Variants in HCN2 observed in about 807,000 individuals in gnomAD.
HCN2 encodes potassium/sodium hyperpolarization-activated cyclic nucleotide-gated channel 2.
A neutral mutation model predicts 52.3 loss-of-function variants in HCN2; 20 were observed. That is an observed-to-expected ratio of 0.38 (90% CI 0.27 to 0.56). The LOEUF (loss-of-function observed/expected upper bound fraction) is 0.56. HCN2 is among the 20% of genes least tolerant of loss of function. The pLI, the probability that HCN2 is intolerant of heterozygous loss-of-function variation, is 0.71. For synonymous variants in HCN2, 694 were observed against 537.0 expected, an observed-to-expected ratio of 1.29 and a Z score of -4.04; for missense variants, 981 against 1,207.7, an observed-to-expected ratio of 0.81 and a Z score of 2.78.
chr19:608,769 G>T (rs1017780292), intron 4 of HCN2, among the ~76,000 whole-genome samples: 41 of 152,108 alleles, frequency 2.7e-4, no homozygotes, highest in Non-Finnish European at 1.6e-4. Flanking sequence ...GGGCCTGGCG[G>T]GGTCTGAGAG....
chr19:613,618 G>C (rs1983751498), intron 6 of HCN2, 130 bp downstream of exon 6: 1 of 156,186 alleles, frequency 6.4e-6, no homozygotes, highest in Non-Finnish European at 1.1e-5. Flanking sequence ...CGGGGATGGG[G>C]ATGGGGATGG....
At chr19:595,371 C>T (rs1157456770) in intron 1 of HCN2, among the ~76,000 whole-genome samples, 2 of 151,912 alleles carry the variant, frequency 1.3e-5, no homozygotes, top group Admixed American at 1.3e-4. Flanking sequence ...TTCTGGCCTC[C>T]CGGCTGTCAG....
At chr19:615,037 G>C (rs1441832222) in intron 7 of HCN2, among the ~76,000 whole-genome samples, 1 of 152,136 alleles carries the variant, frequency 6.6e-6, no homozygotes, top group African/African-American at 2.4e-5. Flanking sequence ...TGAGTATCAG[G>C]TGCTTAGGTT....
chr19:599,442 C>A (rs1190520523), intron 1 of HCN2, among the ~76,000 whole-genome samples: 2 of 152,096 alleles, frequency 1.3e-5, no homozygotes, highest in Non-Finnish European at 2.9e-5. Flanking sequence ...GATGTGGGGA[C>A]CCCGGCCATG....
intron 7 of HCN2, among the ~76,000 whole-genome samples, chr19:614,578 C>T (rs570272575): frequency 7.9e-5 from 12 of 152,270 alleles, no homozygotes; most frequent in African/African-American, 2.6e-4. Flanking sequence ...CAGCACATCC[C>T]AAGGCCCTGA....
At chr19:605,246 A>C (rs1238954515) in intron 3 of HCN2, 24 bp downstream of exon 3, 1 of 1,606,990 alleles carries the variant, frequency 6.2e-7, no homozygotes, top group Non-Finnish European at 8.5e-7. Context: ...GCCCTGACGG[A>C]GGGGGAGACG....
intron 1 of HCN2, among the ~76,000 whole-genome samples, chr19:599,847 CGTGTGTGTGTGTGTGTGTGTGTGTGTGT>C (rs34793549): frequency 5.3e-5 from 7 of 133,302 alleles, no homozygotes; most frequent in East Asian, 2.2e-4. Context: ...GAAGGGGTCC[CGTGTGTGTGTGTGTGTGTGTGTGTGTGT>C]GTGTGTGTGT....
chr19:614,959 G>A (rs931429087), intron 7 of HCN2, among the ~76,000 whole-genome samples: 2 of 152,122 alleles, frequency 1.3e-5, no homozygotes, highest in African/African-American at 4.8e-5. Context: ...TGGTGTCAGG[G>A]AGCTCCCTGG....
Position 610,345 on chromosome 19 carries a change from C to G in HCN2, c.1524C>G (p.Tyr508Ter). Reference protein sequence around the residue: ...QKIHDYYEHRYQGKMFDEDSI... With the variant: ...QKIHDYYEHR ...TCCACGACTACTATGAGCACCGTTA[C>G]CAGGGCAAGATGTTTGACGAGGACA... The change falls in exon 5 of 8, where the codon TAC becomes TAG. Residue 508 changes from tyrosine to a stop codon, truncating the protein, a stop_gained. Coordinates refer to ENST00000251287, the MANE Select transcript of HCN2 (RefSeq NM_001194.4). LOFTEE classifies it high-confidence loss of function. 6.2e-7 allele frequency: 1 copy of G among 1,613,802 alleles called. No individual in the cohort carries two copies. The highest frequency in any genetic ancestry group is 8.5e-7 in the Non-Finnish European group (1 of 1,179,798).
chr19:600,306 GGTA>G (rs1192080686), intron 1 of HCN2, among the ~76,000 whole-genome samples: 1 of 152,132 alleles, frequency 6.6e-6, no homozygotes, highest in Non-Finnish European at 1.5e-5. Flanking sequence ...CCGAGTAGCT[GGTA>G]CTACAGGCGC....
In HCN2 at chr19:590,021, CCGCCGCCCG is replaced by C; in HGVS notation, c.81_89del (p.Ala29_Pro31del). 1 of 603,798 alleles carries C rather than the reference CCGCCGCCCG, an allele frequency of 1.7e-6. No homozygotes were observed. Among genetic ancestry groups the C allele is most frequent in the Non-Finnish European group, 2.0e-6 (1 of 492,674 alleles). 37.4% of individuals were successfully genotyped at this position (603,798 alleles called of 1,614,324 possible). A position where few individuals can be genotyped will look rare whatever the true frequency, so the allele number is the denominator to read the frequency against. Reference sequence around the variant, plus strand: ...CCCCGCGCCGGGGCCGCCGCCGCCGCCGCCGCCCGCGCCCCCCCAACAGCAGCCGCCGCC... The same window carrying C: ...CCCCGCGCCGGGGCCGCCGCCGCCGCCGCCCCCCCAACAGCAGCCGCCGCC... On this transcript the variant is annotated inframe_deletion, in exon 1 of 8. Coordinates refer to ENST00000251287, the MANE Select transcript of HCN2 (RefSeq NM_001194.4). This position sits in a 1 kb window ranked among gnomAD's most constrained non-coding sequence, Gnocchi z 7.2.
At chr19:602,152 C>T (rs1176172666) in intron 1 of HCN2, among the ~76,000 whole-genome samples, 46 of 139,702 alleles carry the variant, frequency 3.3e-4, no homozygotes, top group African/African-American at 1.1e-3. Flanking sequence ...CCTGCGTGGA[C>T]GCCCCACTTC....
intron 3 of HCN2, among the ~76,000 whole-genome samples, chr19:606,994 G>C (rs902026900): frequency 6.6e-6 from 1 of 151,870 alleles, no homozygotes; most frequent in African/African-American, 2.4e-5. Flanking sequence ...CCAACATGGA[G>C]AAACCCCGTC....
At chr19:602,567 C>A (rs1983242779) in intron 1 of HCN2, among the ~76,000 whole-genome samples, 1 of 152,212 alleles carries the variant, frequency 6.6e-6, no homozygotes, top group Non-Finnish European at 1.5e-5. Flanking sequence ...GAGCACGGTT[C>A]ATTTCCCACC....
At chr19:597,308 C>T (rs565374737) in intron 1 of HCN2, among the ~76,000 whole-genome samples, 1 of 152,362 alleles carries the variant, frequency 6.6e-6, no homozygotes, top group African/African-American at 2.4e-5. Flanking sequence ...CCTGGGGTCT[C>T]ATCCTGCAGT....
rs780874058 is a variant in HCN2 at position 610,418 on chromosome 19, CCGGG to C, written c.1584+22_1584+25del. ...GCCCCTGCGGGAGGTGAGGCGGGCG[CCGGG>C]CGGGCGGGAGGCAGCCTCCGGTACA... On this transcript the variant is annotated intron_variant, in intron 5 of 7. Coordinates refer to ENST00000251287, the MANE Select transcript of HCN2 (RefSeq NM_001194.4). The C allele has an allele frequency of 3.5e-5, 57 of 1,610,602 alleles. No homozygotes were observed. The African/African-American group carries it at 5.9e-4, about 17-fold the overall frequency.
chr19:592,496 C>T lies in HCN2; in HGVS notation c.632+1919C>T, dbSNP rs1982904246. Among the ~76,000 whole-genome samples the T allele has an allele frequency of 1.3e-5, 2 of 152,162 alleles. No homozygotes were observed. The highest frequency in any genetic ancestry group is 2.9e-5 in the Non-Finnish European group (2 of 68,020). On this transcript the variant is annotated intron_variant, in intron 1 of 7. Transcript: ENST00000251287. This position sits in a 1 kb window ranked among gnomAD's most constrained non-coding sequence, Gnocchi z 4.8. ...GGCCTGGGCAGGCTGTGGCCCCGCTCTGTGCTCTGAGGCATAGAGGGCTCA... is the reference window on the plus strand; with the variant it reads ...GGCCTGGGCAGGCTGTGGCCCCGCTTTGTGCTCTGAGGCATAGAGGGCTCA...
intron 5 of HCN2, among the ~76,000 whole-genome samples, chr19:611,365 C>T (rs536799812): frequency 1.6e-4 from 24 of 152,148 alleles, no homozygotes; most frequent in African/African-American, 2.7e-4. Flanking sequence ...GGGACGAGGA[C>T]GGGGAGGCGA....
intron 1 of HCN2, among the ~76,000 whole-genome samples, chr19:598,487 G>T (rs896320978): frequency 1.3e-5 from 2 of 151,984 alleles, no homozygotes; most frequent in Non-Finnish European, 2.9e-5. Flanking sequence ...TGTATTTTTT[G>T]TAGAGACGGG....
Sources: allele counts gnomAD v4.1 joint callset (sites outside exome capture counted in the v4.1 genomes callset), GRCh38; gene constraint gnomAD v4.1.1; non-coding constraint Gnocchi (gnomAD v3.1); transcripts MANE v1.5; gene names NCBI Gene and HGNC (gene_info 2026-07-23, HGNC 2026-07-21).